UBE2E2: variants seen among roughly 807,000 people sequenced by gnomAD.
UBE2E2 encodes ubiquitin conjugating enzyme E2 E2, also known as ubiquitin-conjugating enzyme E2 E2.
Under a neutral mutation model 24.7 loss-of-function variants are expected in UBE2E2, and 6 were observed. The observed-to-expected ratio is 0.24, with a 90% confidence interval of 0.13 to 0.48. UBE2E2 has a LOEUF of 0.48. Among genes scored for constraint, UBE2E2 ranks in the 20% least tolerant of loss-of-function variants. The pLI is 0.99. For missense variants in UBE2E2, 169 were observed against 245.0 expected, an observed-to-expected ratio of 0.69 and a Z score of 2.07; for synonymous variants, 104 against 83.6, an observed-to-expected ratio of 1.24 and a Z score of -1.33.
At chr3:23,552,218 G>T (rs1386279901) in intron 5 of UBE2E2, among the ~76,000 whole-genome samples, 1 of 152,114 alleles carries the variant, frequency 6.6e-6, no homozygotes, top group Non-Finnish European at 1.5e-5. Flanking sequence ...GCCAGGCTTG[G>T]TGGCACCCCC....
intron 5 of UBE2E2, among the ~76,000 whole-genome samples, chr3:23,577,603 G>T (rs1696373747): frequency 6.6e-6 from 1 of 152,246 alleles, no homozygotes; most frequent in Non-Finnish European, 1.5e-5. Flanking sequence ...GCAGGTGCAA[G>T]ATGTAGAAGC....
intron 3 of UBE2E2, among the ~76,000 whole-genome samples, chr3:23,285,704 C>A (rs889099397): frequency 8.6e-5 from 13 of 151,858 alleles, no homozygotes; most frequent in Non-Finnish European, 1.3e-4. Context: ...GATCTTTTAT[C>A]CCCCACCCTG....
rs138483662 is a variant in UBE2E2 at position 23,280,809 on chromosome 3, G to A, written c.227+63497G>A. The stretch of plus-strand genomic sequence containing the variant: ...TTTTCCATGAATGTTGCCTTCTCTC[G>A]TGTTTCACATTCAGAATTTTCTTAG... On this transcript the variant is annotated intron_variant, in intron 3 of 5. Coordinates refer to ENST00000396703, the MANE Select transcript of UBE2E2 (RefSeq NM_152653.4). This position sits in a 1 kb window ranked among gnomAD's most constrained non-coding sequence, Gnocchi z 4.3. Among the ~76,000 whole-genome samples, 12 of 152,166 alleles carry A rather than the reference G, an allele frequency of 7.9e-5. No individual in the cohort carries two copies. The highest frequency in any genetic ancestry group is 2.1e-4 in the South Asian group (1 of 4,814).
At chr3:23,543,218 T>C (rs1695435476) in intron 5 of UBE2E2, among the ~76,000 whole-genome samples, 1 of 152,136 alleles carries the variant, frequency 6.6e-6, no homozygotes, top group African/African-American at 2.4e-5. Context: ...AGAACAATCA[T>C]TCAAGAGAAA....
chr3:23,414,010 G>A (rs1697560577), intron 3 of UBE2E2, among the ~76,000 whole-genome samples: 1 of 152,098 alleles, frequency 6.6e-6, no homozygotes, highest in Non-Finnish European at 1.5e-5. Flanking sequence ...ATAACTCACT[G>A]CATCCCTTCC....
intron 3 of UBE2E2, among the ~76,000 whole-genome samples, chr3:23,417,584 T>C (rs1051196718): frequency 2.0e-5 from 3 of 152,186 alleles, no homozygotes; most frequent in African/African-American, 7.2e-5. Flanking sequence ...TCGAGGGCTG[T>C]GCTGGGAGAT....
intron 3 of UBE2E2, among the ~76,000 whole-genome samples, chr3:23,293,742 A>G (rs888691875): frequency 3.3e-5 from 5 of 152,224 alleles, no homozygotes; most frequent in Non-Finnish European, 7.3e-5. Flanking sequence ...CTTTAGAACC[A>G]TCTTTTTTAA....
chr3:23,379,308 T>C (rs1373484134), intron 3 of UBE2E2, among the ~76,000 whole-genome samples: 1 of 151,624 alleles, frequency 6.6e-6, no homozygotes, highest in Non-Finnish European at 1.5e-5. Flanking sequence ...GTTAGTTACA[T>C]ATGTATACAT....
chr3:23,328,087 A>C (rs1284919811), intron 3 of UBE2E2, among the ~76,000 whole-genome samples: 2 of 152,196 alleles, frequency 1.3e-5, no homozygotes, highest in East Asian at 3.8e-4. Context: ...GAGGAAATCA[A>C]ATGTTTTCTT....
intron 3 of UBE2E2, among the ~76,000 whole-genome samples, chr3:23,279,752 T>C (rs970237933): frequency 6.6e-6 from 1 of 152,212 alleles, no homozygotes; most frequent in Admixed American, 6.5e-5. Flanking sequence ...TCATGTGGTC[T>C]ACCAGAGTCA....
intron 3 of UBE2E2, among the ~76,000 whole-genome samples, chr3:23,244,938 A>G (rs1455182053): frequency 6.6e-6 from 1 of 152,168 alleles, no homozygotes; most frequent in Non-Finnish European, 1.5e-5. Context: ...TAGAATAAAA[A>G]TTTGCAGTCG....
intron 3 of UBE2E2, among the ~76,000 whole-genome samples, chr3:23,480,875 T>C (rs145230407): frequency 6.6e-6 from 1 of 152,328 alleles, no homozygotes; most frequent in African/African-American, 2.4e-5. Flanking sequence ...GTAAGAAATA[T>C]TAACCAAATA....
rs569854736 is a variant in UBE2E2 at position 23,454,712 on chromosome 3, T to C, written c.228-44896T>C. 3.3e-5 allele frequency among the ~76,000 whole-genome samples: 5 copies of C among 152,308 alleles called. No homozygotes were observed. In the South Asian group the frequency reaches 1.0e-3, roughly 32 times the overall value. On this transcript the variant is annotated intron_variant, in intron 3 of 5. Transcript: ENST00000396703. The stretch of plus-strand genomic sequence containing the variant: ...ATATGCACCTAGAATAACAGCTCTT[T>C]TAAAGTTTTGTTTGAACTAAGTGCA...
chr3:23,446,610 G>A (rs892047256), intron 3 of UBE2E2, among the ~76,000 whole-genome samples: 3 of 151,158 alleles, frequency 2.0e-5, no homozygotes, highest in African/African-American at 7.3e-5. Context: ...CAGTAGCTGA[G>A]TACCAAATTG....
At chr3:23,303,871 G>T (rs1339868642) in intron 3 of UBE2E2, among the ~76,000 whole-genome samples, 1 of 152,126 alleles carries the variant, frequency 6.6e-6, no homozygotes, top group African/African-American at 2.4e-5. Flanking sequence ...TCTCCTCATA[G>T]GAATTATACC....
At chr3:23,215,845 A>T (rs1029841070) in intron 2 of UBE2E2, among the ~76,000 whole-genome samples, 4 of 152,146 alleles carry the variant, frequency 2.6e-5, no homozygotes, top group Non-Finnish European at 5.9e-5. Flanking sequence ...CTGAGTTTTG[A>T]AGTGTCTGTT....
chr3:23,273,374 A>C (rs1459450933), intron 3 of UBE2E2, among the ~76,000 whole-genome samples: 1 of 152,102 alleles, frequency 6.6e-6, no homozygotes, highest in Non-Finnish European at 1.5e-5. Flanking sequence ...AAAAATACAA[A>C]AAAAAAATTA....
intron 3 of UBE2E2, among the ~76,000 whole-genome samples, chr3:23,368,312 C>T (rs945055563): frequency 2.0e-5 from 3 of 152,080 alleles, no homozygotes; most frequent in Non-Finnish European, 4.4e-5. Context: ...CTACTCTATG[C>T]CAGCTGCTGT....
intron 3 of UBE2E2, among the ~76,000 whole-genome samples, chr3:23,468,434 A>G (rs1456492496): frequency 6.6e-6 from 1 of 152,252 alleles, no homozygotes; most frequent in Non-Finnish European, 1.5e-5. Context: ...GTTAAATCAG[A>G]TGCATTGAAA....
Sources: gnomAD v4.1 joint callset for allele counts (sites outside exome capture counted in the v4.1 genomes callset) on GRCh38, gnomAD v4.1.1 for gene constraint, Gnocchi (gnomAD v3.1) non-coding constraint, MANE v1.5 for transcripts, NCBI Gene and HGNC (gene_info 2026-07-23, HGNC 2026-07-21) for gene names.